The following ST6GAL1 variants were observed in gnomAD, a reference collection of about 807,000 sequenced individuals.
ST6GAL1 encodes the protein ST6 beta-galactoside alpha-2,6-sialyltransferase 1.
In ST6GAL1, 20 loss-of-function variants were observed where a neutral mutation model predicts 38.0. The observed-to-expected ratio is 0.53, with a 90% CI of 0.37 to 0.77. The LOEUF (loss-of-function observed/expected upper bound fraction) is 0.77. ST6GAL1 is among the 30% of genes least tolerant of loss of function. ST6GAL1 has a pLI of 0.00. For synonymous variants in ST6GAL1, 196 were observed against 188.2 expected (o/e 1.04, Z -0.34); for missense variants, 432 against 496.4 (o/e 0.87, Z 1.23).
At chr3:187,057,400 T>G (rs1161486587) in intron 5 of ST6GAL1, among the ~76,000 whole-genome samples, 1 of 152,238 alleles carries the variant, frequency 6.6e-6, no homozygotes, top group Non-Finnish European at 1.5e-5. Context: ...GTTTTTAGAA[T>G]TTTCAGCTTT....
rs113456977 is a variant in ST6GAL1, at chr3:187,007,119, G to C, written c.-182-31623G>C. On this transcript the variant is annotated intron_variant, in intron 2 of 7. Coordinates refer to ENST00000169298, the MANE Select transcript of ST6GAL1 (RefSeq NM_173216.2). ...TAATAGCAGGCAGGCAGAGTACTGGGTTCAAAACTTGAACAATGACTCACG... is the reference window on the plus strand; with the variant it reads ...TAATAGCAGGCAGGCAGAGTACTGGCTTCAAAACTTGAACAATGACTCACG... Among the ~76,000 whole-genome samples, 750 of 152,292 alleles carry C rather than the reference G, an allele frequency of 4.9e-3. 7 individuals carry two copies. The highest frequency in any genetic ancestry group is 0.017 in the African/African-American group (708 of 41,552).
At chr3:186,940,291 T>G (rs1215459984) in intron 1 of ST6GAL1, among the ~76,000 whole-genome samples, 1 of 152,044 alleles carries the variant, frequency 6.6e-6, no homozygotes, top group Non-Finnish European at 1.5e-5. Flanking sequence ...TGAAATGGTT[T>G]TTTTTTTAGA....
At chr3:187,007,564 C>A (rs973528037) in intron 2 of ST6GAL1, among the ~76,000 whole-genome samples, 1 of 152,134 alleles carries the variant, frequency 6.6e-6, no homozygotes, top group Non-Finnish European at 1.5e-5. Context: ...GTAAAACAAA[C>A]AAACAAACAA....
intron 1 of ST6GAL1, among the ~76,000 whole-genome samples, chr3:186,938,546 A>G (rs1714044532): frequency 6.6e-6 from 1 of 152,154 alleles, no homozygotes; most frequent in African/African-American, 2.4e-5. Flanking sequence ...TTTGCTCCTG[A>G]TATTTTTTCT....
Position 187,051,235 on chromosome 3 carries a change from T to C in ST6GAL1, c.608-14T>C. 1 of 1,613,096 alleles carries C rather than the reference T, an allele frequency of 6.2e-7. No homozygotes were observed. The highest frequency in any genetic ancestry group is 8.5e-7 in the Non-Finnish European group (1 of 1,179,134). On this transcript the variant is annotated splice_polypyrimidine_tract_variant and intron_variant, in intron 4 of 7. Transcript: ENST00000169298. ...GTGCTCATCACCTCTTTTCTGTTTC[T>C]TTGTGGTTTATAGATGATCATGACG...
intron 2 of ST6GAL1, among the ~76,000 whole-genome samples, chr3:187,022,767 TATTTTA>T (rs1717376335): frequency 6.6e-6 from 1 of 152,264 alleles, no homozygotes; most frequent in African/African-American, 2.4e-5. Flanking sequence ...TGGGGCAAAA[TATTTTA>T]ATTTCCTTCA....
chr3:187,042,048 C>T (rs553568811), intron 3 of ST6GAL1: 1 of 152,372 alleles, frequency 6.6e-6, no homozygotes, highest in African/African-American at 2.4e-5. Flanking sequence ...TCGATCTTCT[C>T]ATGCAGGAGT....
chr3:186,986,997 G>T (rs974243501), intron 2 of ST6GAL1, among the ~76,000 whole-genome samples: 6 of 152,070 alleles, frequency 3.9e-5, no homozygotes, highest in Non-Finnish European at 8.8e-5. Flanking sequence ...GATATACAGT[G>T]AATACAGGCT....
chr3:187,005,269 C>CTT (rs58085172), intron 2 of ST6GAL1, among the ~76,000 whole-genome samples: 62 of 103,930 alleles, frequency 6.0e-4, no homozygotes, highest in Non-Finnish European at 9.2e-4. Flanking sequence ...TTTTCTTTTT[C>CTT]TTTTTTTTTT....
At chr3:186,997,214 T>C (rs143322862) in intron 2 of ST6GAL1, among the ~76,000 whole-genome samples, 118 of 152,314 alleles carry the variant, frequency 7.7e-4, no homozygotes, top group Non-Finnish European at 1.5e-3. Flanking sequence ...ACCTCTATAG[T>C]CCTTTGCATT....
chr3:187,047,002 G>C lies in ST6GAL1; in HGVS notation c.607+3692G>C, dbSNP rs144700684. ...GCTCTGTTGCCCAGGCTGGAGTGCA[G>C]TGGCATGATCTCGGCTCACTGCAAG... is the stretch of plus-strand genomic sequence containing the variant. On this transcript the variant is annotated intron_variant, in intron 4 of 7. Transcript: ENST00000169298. Among the ~76,000 whole-genome samples, 419 of 152,318 alleles carry C rather than the reference G, an allele frequency of 2.8e-3. 3 individuals carry two copies. The highest frequency in any genetic ancestry group is 9.8e-3 in the African/African-American group (407 of 41,562).
intron 2 of ST6GAL1, among the ~76,000 whole-genome samples, chr3:186,980,598 A>C (rs1382401680): frequency 1.7e-5 from 2 of 120,794 alleles, no homozygotes; most frequent in African/African-American, 3.0e-5. Flanking sequence ...TCTCTACTAA[A>C]ATTACAAAAA....
At chr3:187,047,385 G>A (rs1718337221) in intron 4 of ST6GAL1, among the ~76,000 whole-genome samples, 1 of 152,016 alleles carries the variant, frequency 6.6e-6, no homozygotes, top group African/African-American at 2.4e-5. Flanking sequence ...GTGATAAATT[G>A]TGATAAAATT....
chr3:187,005,368 C>T lies in ST6GAL1; in HGVS notation c.-182-33374C>T, dbSNP rs149766343. On this transcript the variant is annotated intron_variant, in intron 2 of 7. Coordinates refer to ENST00000169298, the MANE Select transcript of ST6GAL1 (RefSeq NM_173216.2). The stretch of plus-strand genomic sequence containing the variant: ...TCGGCTCAGTGCAAGCTCCACCTCC[C>T]GGGTTCATGCCATTCTCTTGCCTCA... Among the ~76,000 whole-genome samples, 856 of 149,990 alleles carry T rather than the reference C, an allele frequency of 5.7e-3. 10 individuals are homozygous for T. The highest frequency in any genetic ancestry group is 0.019 in the African/African-American group (796 of 40,864).
chr3:187,023,141 T>TG (rs1046127653), intron 2 of ST6GAL1, among the ~76,000 whole-genome samples: 49 of 152,154 alleles, frequency 3.2e-4, no homozygotes, highest in African/African-American at 1.0e-3. Context: ...AGTTGGTTAG[T>TG]GGGGGGCTTA....
chr3:187,066,273 C>T (rs1719121365), intron 5 of ST6GAL1, among the ~76,000 whole-genome samples: 1 of 152,120 alleles, frequency 6.6e-6, no homozygotes, highest in Admixed American at 6.6e-5. Flanking sequence ...GTCACTAGTT[C>T]TCCGAATCAG....
At chr3:187,011,288 C>T (rs544543157) in intron 2 of ST6GAL1, among the ~76,000 whole-genome samples, 7 of 152,316 alleles carry the variant, frequency 4.6e-5, no homozygotes, top group East Asian at 3.9e-4. Flanking sequence ...CGTGAGCCAC[C>T]GTGCCCGGAG....
intron 6 of ST6GAL1, chr3:187,073,919 G>C (rs1719471502): frequency 2.7e-6 from 1 of 364,606 alleles, no homozygotes; most frequent in African/African-American, 2.1e-5. Flanking sequence ...AGCTGATCTT[G>C]GGTCGCCAAG....
chr3:187,034,716 A>G (rs1400325995), intron 2 of ST6GAL1, among the ~76,000 whole-genome samples: 1 of 152,204 alleles, frequency 6.6e-6, no homozygotes. Context: ...CTTTCATCAA[A>G]AAAGCCTTCA....
Sources: gnomAD v4.1 joint callset for allele counts (sites outside exome capture counted in the v4.1 genomes callset) on GRCh38, gnomAD v4.1.1 for gene constraint, MANE v1.5 for transcripts, NCBI Gene and HGNC (gene_info 2026-07-23, HGNC 2026-07-21) for gene names.